ERC1: variants seen among roughly 807,000 people sequenced by gnomAD.
ERC1 encodes the protein ELKS/RAB6-interacting/CAST family member 1.
ERC1 carries 56 observed loss-of-function variants against 132.0 expected under a neutral mutation model. That is an observed-to-expected ratio of 0.42 (90% CI 0.34 to 0.53). The LOEUF is 0.53. Ranked by LOEUF, ERC1 falls within the 20% of genes least tolerant of loss-of-function variation. The probability of loss-of-function intolerance (pLI) is 0.03; values close to 1 mark genes in which losing one functional copy is unlikely to be tolerated. For missense variants in ERC1, 1,202 were observed against 1,349.9 expected, an observed-to-expected ratio of 0.89 and a Z score of 1.72; for synonymous variants, 478 against 476.1, an observed-to-expected ratio of 1.00 and a Z score of -0.05.
intron 13 of ERC1, among the ~76,000 whole-genome samples, chr12:1,247,966 AGC>A (rs1422460283): frequency 3.9e-5 from 6 of 152,226 alleles, no homozygotes; most frequent in Non-Finnish European, 8.8e-5. Flanking sequence ...ACTGCACTCT[AGC>A]CTGGGCAACA....
chr12:1,323,170 TAA>T (rs149261223), intron 15 of ERC1, among the ~76,000 whole-genome samples: 31,608 of 151,558 alleles, frequency 0.21, 3,788 homozygotes, highest in Non-Finnish European at 0.27. Context: ...ATTTTGGACG[TAA>T]GTGTGCAATG....
intron 18 of ERC1, among the ~76,000 whole-genome samples, chr12:1,458,125 G>C (rs73599914): frequency 0.088 from 13,382 of 152,188 alleles, 1,953 homozygotes; most frequent in African/African-American, 0.3. Context: ...CATGGATTCT[G>C]CTAGCATAGC....
At chr12:1,230,396 C>T (rs1378121176) in intron 12 of ERC1, among the ~76,000 whole-genome samples, 1 of 152,014 alleles carries the variant, frequency 6.6e-6, no homozygotes, top group Non-Finnish European at 1.5e-5. Flanking sequence ...TTTAAATTTC[C>T]CTCCTATTAT....
chr12:1,131,366 G>A (rs1193167623), intron 7 of ERC1, among the ~76,000 whole-genome samples: 2 of 152,180 alleles, frequency 1.3e-5, no homozygotes, highest in Non-Finnish European at 2.9e-5. Flanking sequence ...TAGGAAACAA[G>A]CCACATATCC....
rs540773163 is a variant in ERC1 at position 1,158,518 on chromosome 12, C to T, written c.1737+16731C>T. On this transcript the variant is annotated intron_variant, in intron 8 of 18. Coordinates refer to ENST00000360905, the MANE Select transcript of ERC1 (RefSeq NM_178040.4). Reference sequence around the variant, plus strand: ...TGATCTCGGCTCACCGCAACCTCGCCTCCTGGGTTCAAGCGATTCTCCTGC... The same window carrying T: ...TGATCTCGGCTCACCGCAACCTCGCTTCCTGGGTTCAAGCGATTCTCCTGC... Among the ~76,000 whole-genome samples, 8 of 152,050 alleles carry T rather than the reference C, an allele frequency of 5.3e-5. No individual in the cohort carries two copies. In the East Asian group the frequency reaches 1.5e-3, roughly 29 times the overall value.
At chr12:1,394,139 A>G (rs993490687) in intron 16 of ERC1, among the ~76,000 whole-genome samples, 143 of 150,108 alleles carry the variant, frequency 9.5e-4, no homozygotes, top group East Asian at 3.7e-3. Context: ...AGTGGCTCAC[A>G]CCTGTAATCC....
chr12:1,363,194 A>C (rs369937526), intron 15 of ERC1, among the ~76,000 whole-genome samples: 1 of 152,194 alleles, frequency 6.6e-6, no homozygotes, highest in African/African-American at 2.4e-5. Context: ...GAATGTACAA[A>C]CTTTTGTTTT....
intron 11 of ERC1, 52 bp downstream of exon 11, chr12:1,183,473 T>A: frequency 1.6e-6 from 2 of 1,275,652 alleles, no homozygotes; most frequent in Non-Finnish European, 2.2e-6. Context: ...AAGAACATAG[T>A]AGATAACCTT....
At chr12:1,464,387 C>G (rs774610747) in intron 18 of ERC1, among the ~76,000 whole-genome samples, 1 of 151,928 alleles carries the variant, frequency 6.6e-6, no homozygotes. Context: ...TACGGCAGCT[C>G]TTGATCCTTA....
At chr12:1,316,821 T>G (rs2081770209) in intron 15 of ERC1, among the ~76,000 whole-genome samples, 1 of 152,160 alleles carries the variant, frequency 6.6e-6, no homozygotes, top group African/African-American at 2.4e-5. Context: ...TAGCAAAGAC[T>G]TGGAACCAAA....
intron 15 of ERC1, among the ~76,000 whole-genome samples, chr12:1,368,594 G>A (rs1428697117): frequency 1.3e-5 from 2 of 152,112 alleles, no homozygotes; most frequent in Non-Finnish European, 2.9e-5. Context: ...CTAAGAGATG[G>A]ATTAGAGGAA....
chr12:1,129,022 G>A (rs1307119306), intron 7 of ERC1, among the ~76,000 whole-genome samples: 2 of 152,116 alleles, frequency 1.3e-5, no homozygotes, highest in African/African-American at 4.8e-5. Flanking sequence ...TTTCAGGAGT[G>A]GATAAAGAGA....
At chr12:1,227,660 G>C (rs1341463136) in intron 12 of ERC1, among the ~76,000 whole-genome samples, 1 of 152,120 alleles carries the variant, frequency 6.6e-6, no homozygotes, top group Non-Finnish European at 1.5e-5. Flanking sequence ...GTTTGACGCA[G>C]TCCCATTTGT....
At chr12:1,273,430 A>T (rs903701505) in intron 14 of ERC1, among the ~76,000 whole-genome samples, 1 of 152,188 alleles carries the variant, frequency 6.6e-6, no homozygotes, top group Non-Finnish European at 1.5e-5. Context: ...CTTTTTTGGC[A>T]TAAAGTGAAT....
intron 2 of ERC1, among the ~76,000 whole-genome samples, chr12:1,046,423 A>G (rs1216969118): frequency 1.3e-5 from 2 of 152,188 alleles, no homozygotes; most frequent in Non-Finnish European, 2.9e-5. Flanking sequence ...AAATTAATAT[A>G]TTGTGATATG....
chr12:1,210,230 G>A (rs1276894465), intron 12 of ERC1, among the ~76,000 whole-genome samples: 1 of 152,148 alleles, frequency 6.6e-6, no homozygotes, highest in Non-Finnish European at 1.5e-5. Flanking sequence ...CCATGTATGT[G>A]GCTTTGAGGT....
intron 17 of ERC1, among the ~76,000 whole-genome samples, chr12:1,412,843 A>G (rs974486349): frequency 2.0e-5 from 3 of 152,234 alleles, no homozygotes; most frequent in Non-Finnish European, 4.4e-5. Context: ...TGCCGTTGTC[A>G]TCATTAACTT....
chr12:1,007,540 CTGTGTGTG>C (rs10570281), intron 1 of ERC1, among the ~76,000 whole-genome samples: 129 of 122,782 alleles, frequency 1.1e-3, no homozygotes, highest in Middle Eastern at 4.1e-3. Context: ...CTCTCTCTCT[CTGTGTGTG>C]TGTGTGTGTG....
chr12:1,485,726 G>A (rs61912168), intron 18 of ERC1, among the ~76,000 whole-genome samples: 57,930 of 151,584 alleles, frequency 0.38, 11,399 homozygotes, highest in Middle Eastern at 0.46. Flanking sequence ...TAAATGTATA[G>A]CTCTTCTGTC....
Sources: gnomAD v4.1 joint callset for allele counts (sites outside exome capture counted in the v4.1 genomes callset) on GRCh38, gnomAD v4.1.1 for gene constraint, MANE v1.5 for transcripts, NCBI Gene and HGNC (gene_info 2026-07-23, HGNC 2026-07-21) for gene names.